Variants in CACNA2D3 observed in about 807,000 individuals in gnomAD.
CACNA2D3 encodes calcium voltage-gated channel auxiliary subunit alpha2delta 3, also known as voltage-dependent calcium channel subunit alpha-2/delta-3.
A neutral mutation model predicts 160.6 loss-of-function variants in CACNA2D3; 60 were observed. The ratio of observed to expected loss-of-function variants is 0.37; its 90% CI spans 0.30 to 0.46. The LOEUF (loss-of-function observed/expected upper bound fraction) is 0.46. Ranked by LOEUF, CACNA2D3 falls within the 20% of genes least tolerant of loss-of-function variation. The pLI is 1.00. For missense variants in CACNA2D3, 1,205 were observed against 1,365.0 expected (o/e 0.88, Z 1.85); for synonymous variants, 558 against 492.9 (o/e 1.13, Z -1.75).
chr3:54,212,465 A>T (rs889690655), intron 2 of CACNA2D3, among the ~76,000 whole-genome samples: 3 of 152,194 alleles, frequency 2.0e-5, no homozygotes, highest in African/African-American at 7.2e-5. Flanking sequence ...CTGGGTTATA[A>T]TGATAAGGGG....
At chr3:54,151,297 G>A (rs1167806714) in intron 2 of CACNA2D3, among the ~76,000 whole-genome samples, 6 of 151,062 alleles carry the variant, frequency 4.0e-5, no homozygotes, top group African/African-American at 1.2e-4. Context: ...ATGTAGGGAC[G>A]GATAATGGAT....
At chr3:54,520,444 G>A (rs1701628920) in intron 5 of CACNA2D3, among the ~76,000 whole-genome samples, 4 of 152,152 alleles carry the variant, frequency 2.6e-5, no homozygotes, top group Admixed American at 2.6e-4. Context: ...ACCTAGAACT[G>A]ACTCAGTCCG....
intron 35 of CACNA2D3, among the ~76,000 whole-genome samples, chr3:55,068,367 CCCTT>C (rs1401720383): frequency 7.2e-5 from 11 of 152,114 alleles, no homozygotes; most frequent in African/African-American, 2.7e-4. Context: ...CGTGGTCCTT[CCCTT>C]CCTTCTTCTC....
chr3:54,559,202 C>A (rs566767302), intron 5 of CACNA2D3, among the ~76,000 whole-genome samples: 86 of 152,286 alleles, frequency 5.6e-4, no homozygotes, highest in African/African-American at 2.0e-3. Flanking sequence ...CACAGAGCAT[C>A]CTCAGTGACC....
At chr3:54,636,986 G>T (rs1306513545) in intron 10 of CACNA2D3, among the ~76,000 whole-genome samples, 1 of 151,972 alleles carries the variant, frequency 6.6e-6, no homozygotes, top group Non-Finnish European at 1.5e-5. Context: ...TTCTAGAACA[G>T]ACTAATGGGT....
At position 54,269,435 on chromosome 3, in the gene CACNA2D3, A is replaced by T. The variant is rs1234127129; in HGVS notation, c.205-51007A>T. Among the ~76,000 whole-genome samples, 3 of 152,158 alleles carry T rather than the reference A, an allele frequency of 2.0e-5. No homozygotes were observed. The East Asian group carries it at 5.8e-4, about 29-fold the overall frequency. On this transcript the variant is annotated intron_variant, in intron 2 of 37. Transcript: ENST00000474759. ...CCTGTGTTTTAATGAAGAATAAGAT[A>T]AAGAAAAGAGCACTTACTGTGTACT...
intron 27 of CACNA2D3, among the ~76,000 whole-genome samples, chr3:54,950,347 C>T (rs1344413486): frequency 4.6e-5 from 7 of 152,140 alleles, no homozygotes; most frequent in Non-Finnish European, 7.3e-5. Flanking sequence ...TACAAAGGCC[C>T]CTTTTAATCT....
chr3:54,122,785 C>G lies in CACNA2D3; in HGVS notation c.72C>G (p.Tyr24Ter). 1 of 1,230,626 alleles carries G rather than the reference C, an allele frequency of 8.1e-7. No individual in the cohort carries two copies. The highest frequency in any genetic ancestry group is 1.0e-6 in the Non-Finnish European group (1 of 982,390). 76.2% of individuals were successfully genotyped at this position (1,230,626 alleles called of 1,614,324 possible). Reference protein sequence around the residue: ...ASALLAAALLYAALGDVVRSE... With the variant: ...ASALLAAALL ...CGCTTCTCGCTGCCGCGCTTCTCTA[C>G]GCCGCGCTGGGGGACGTGGTGCGCT... is the stretch of plus-strand genomic sequence containing the variant. Residue 24 changes from tyrosine (Y) to a stop codon, truncating the protein, a stop_gained, in exon 1 of 38, where the codon TAC becomes TAG. Transcript: ENST00000474759. LOFTEE classifies it high-confidence loss of function.
intron 35 of CACNA2D3, among the ~76,000 whole-genome samples, chr3:55,031,170 G>A (rs370314067): frequency 1.5e-4 from 23 of 152,264 alleles, no homozygotes; most frequent in East Asian, 9.7e-4. Flanking sequence ...CACTATTGAC[G>A]TCTGCAAGTT....
chr3:54,736,046 C>CATACATATATATATGTATGTATATAT (rs1187456049), intron 11 of CACNA2D3, among the ~76,000 whole-genome samples: 6 of 71,444 alleles, frequency 8.4e-5, no homozygotes, highest in East Asian at 6.7e-4. Context: ...TATATATATA[C>CATACATATATATATGTATGTATATAT]ACATACATAT....
chr3:54,923,821 C>T (rs112033156), intron 27 of CACNA2D3, among the ~76,000 whole-genome samples: 181 of 152,262 alleles, frequency 1.2e-3, no homozygotes, highest in African/African-American at 4.2e-3. Context: ...ACTCTGTTGC[C>T]CATTGACAAC....
At chr3:54,501,628 T>G (rs932246105) in intron 4 of CACNA2D3, among the ~76,000 whole-genome samples, 1 of 151,452 alleles carries the variant, frequency 6.6e-6, no homozygotes, top group Non-Finnish European at 1.5e-5. Flanking sequence ...CCATGTTGCC[T>G]AGGGTGGTCT....
chr3:54,411,345 C>G lies in CACNA2D3; in HGVS notation c.381+24571C>G, dbSNP rs558631747. Among the ~76,000 whole-genome samples the G allele has an allele frequency of 3.3e-5, 5 of 152,302 alleles. No individual in the cohort carries two copies. In the South Asian group the frequency reaches 6.2e-4, roughly 19 times the overall value. ...ACAACATTGCATGCTACTGAGAAATCTTTTGTGAAAGGAGGAGTGAATTGT... is the reference window on the plus strand; with the variant it reads ...ACAACATTGCATGCTACTGAGAAATGTTTTGTGAAAGGAGGAGTGAATTGT... On this transcript the variant is annotated intron_variant, in intron 4 of 37. Transcript: ENST00000474759.
intron 2 of CACNA2D3, among the ~76,000 whole-genome samples, chr3:54,224,749 C>A (rs143777905): frequency 6.6e-6 from 1 of 151,940 alleles, no homozygotes; most frequent in African/African-American, 2.4e-5. Context: ...AGATATTATT[C>A]TTATTTCATA....
At chr3:54,980,838 G>A (rs2107095385) in intron 29 of CACNA2D3, among the ~76,000 whole-genome samples, 1 of 152,234 alleles carries the variant, frequency 6.6e-6, no homozygotes, top group Admixed American at 6.5e-5. Flanking sequence ...TAGACCAAAT[G>A]TTTACATTTT....
intron 2 of CACNA2D3, among the ~76,000 whole-genome samples, chr3:54,229,642 T>C (rs1160338810): frequency 6.6e-6 from 1 of 152,176 alleles, no homozygotes; most frequent in Non-Finnish European, 1.5e-5. Context: ...GCCTAAAGTT[T>C]CTGATAAGTT....
At chr3:54,282,260 T>A (rs923519065) in intron 2 of CACNA2D3, among the ~76,000 whole-genome samples, 1 of 152,202 alleles carries the variant, frequency 6.6e-6, no homozygotes, top group African/African-American at 2.4e-5. Context: ...ATCTGTAATG[T>A]TTTTCAATGA....
chr3:54,222,482 G>A (rs775532595), intron 2 of CACNA2D3, among the ~76,000 whole-genome samples: 6 of 152,230 alleles, frequency 3.9e-5, no homozygotes, highest in Non-Finnish European at 8.8e-5. Flanking sequence ...ATTGGATGAG[G>A]CCTATGTACA....
At chr3:54,878,863 T>TTGTACATGTACA in intron 18 of CACNA2D3, 155 bp from the exon 19 acceptor site, 1 of 494,454 alleles carries the variant, frequency 2.0e-6, no homozygotes, top group South Asian at 4.0e-5. Context: ...CTGTCTCCCA[T>TTGTACATGTACA]TGTACATGAG....
Sources: allele counts gnomAD v4.1 joint callset (sites outside exome capture counted in the v4.1 genomes callset), GRCh38; gene constraint gnomAD v4.1.1; transcripts MANE v1.5; gene names NCBI Gene and HGNC (gene_info 2026-07-23, HGNC 2026-07-21).